The following KIF27 variants were observed in gnomAD, a reference collection of about 807,000 sequenced individuals.
KIF27 encodes kinesin-like protein KIF27.
Under a neutral mutation model 141.8 loss-of-function variants are expected in KIF27, and 84 were observed. The ratio of observed to expected loss-of-function variants is 0.59; its 90% CI spans 0.50 to 0.71. The LOEUF is 0.71. KIF27 is among the 30% of genes least tolerant of loss of function. KIF27 has a pLI of 0.00. For synonymous variants in KIF27, 471 were observed against 569.5 expected (o/e 0.83, Z 2.46); for missense variants, 1,306 against 1,628.4 (o/e 0.80, Z 3.41).
At position 83,850,191 on chromosome 9, in the gene KIF27, A is replaced by G. The variant is rs1259424425; in HGVS notation, c.3464T>C (p.Leu1155Pro). The G allele has an allele frequency of 2.5e-6, 4 of 1,612,598 alleles. No homozygotes were observed. Among genetic ancestry groups the G allele is most frequent in the South Asian group, 1.1e-5 (1 of 91,050 alleles). The change falls in exon 16 of 18, where the codon CTG (leucine) becomes CCG (proline). Residue 1155 changes from leucine to proline, a missense_variant. Physicochemically the swap from Leu to Pro is moderately conservative, Grantham distance 98. Coordinates refer to ENST00000297814, the MANE Select transcript of KIF27 (RefSeq NM_017576.4). ...GTCACACTGCAATTTTAGATGGTCC[A>G]GTGCAGATTCTAATTCACGAACCAT... The part of the protein sequence containing the change: ...DNMVRELESA[L>P]DHLKLQCDRR...
chr9:83,837,083 C>A lies in KIF27; in HGVS notation c.4124G>T (p.Arg1375Leu). The A allele has an allele frequency of 6.2e-7, 1 of 1,613,870 alleles. No homozygotes were observed. Among genetic ancestry groups the A allele is most frequent in the Non-Finnish European group, 8.5e-7 (1 of 1,179,886 alleles). ...TCCAATGCCAACTCCAAGACTGGAA[C>A]GTCGCAATGATAGTTCCAAGGCGGA... is the stretch of plus-strand genomic sequence containing the variant. ...QISALELSLR[R>L]SSLGVGIGSM... Residue 1375 changes from arginine to leucine, a missense_variant, in exon 18 of 18, where the codon CGT becomes CTT. Arg to Leu is a moderately radical substitution (Grantham distance 102). Transcript: ENST00000297814.
Position 83,887,039 on chromosome 9 carries a change from A to G in KIF27, c.2239+2T>C. The stretch of plus-strand genomic sequence containing the variant: ...TTAAGCTGGTTCACAAGATACTATT[A>G]CCTGTTTTTATTAATTCTTTAATCA... On this transcript the variant is annotated splice_donor_variant, in intron 9 of 17. Transcript: ENST00000297814. LOFTEE classifies it high-confidence loss of function. 3 of 1,572,766 alleles carry G rather than the reference A, an allele frequency of 1.9e-6. No homozygotes were observed. Among genetic ancestry groups the G allele is most frequent in the Non-Finnish European group, 2.6e-6 (3 of 1,167,214 alleles).
intron 15 of KIF27, among the ~76,000 whole-genome samples, chr9:83,853,132 T>G (rs1185676822): frequency 5.3e-5 from 8 of 152,196 alleles, no homozygotes; most frequent in Non-Finnish European, 1.2e-4. Context: ...TTTAATTGAT[T>G]TAAGCACATT....
intron 12 of KIF27, 133 bp from the exon 13 acceptor site, chr9:83,867,993 T>C: frequency 1.0e-6 from 1 of 978,256 alleles, no homozygotes. Context: ...GTAACTCAGG[T>C]AGCCGTCTGA....
chr9:83,893,361 T>C, intron 5 of KIF27, among the ~76,000 whole-genome samples: 1 of 152,176 alleles, frequency 6.6e-6, no homozygotes, highest in Non-Finnish European at 1.5e-5. Context: ...TGCATATTCT[T>C]CTCAAGTACC....
At chr9:83,902,493 A>C (rs528459789) in intron 4 of KIF27, among the ~76,000 whole-genome samples, 1 of 152,348 alleles carries the variant, frequency 6.6e-6, no homozygotes, top group East Asian at 1.9e-4. Context: ...ATACACGTAC[A>C]TGTAACATGT....
Position 83,864,576 on chromosome 9 carries a change from G to T in KIF27, c.2934+3108C>A, listed in dbSNP as rs1463375238. Among the ~76,000 whole-genome samples, 15 of 152,282 alleles carry T rather than the reference G, an allele frequency of 9.9e-5. No homozygotes were observed. In the East Asian group the frequency reaches 2.7e-3, roughly 27 times the overall value. The stretch of plus-strand genomic sequence containing the variant: ...ATTTCTATTCTTTTACATTTGCTGA[G>T]GAGTGCTTTACTTCCAACTATGTGG... On this transcript the variant is annotated intron_variant, in intron 13 of 17. Coordinates refer to ENST00000297814, the MANE Select transcript of KIF27 (RefSeq NM_017576.4).
At chr9:83,893,483 T>C (rs1336413413) in intron 5 of KIF27, among the ~76,000 whole-genome samples, 3 of 151,998 alleles carry the variant, frequency 2.0e-5, no homozygotes, top group African/African-American at 4.8e-5. Context: ...GCAATAAAAA[T>C]TGATTAAAGA....
chr9:83,888,636 T>G (rs760520666), intron 7 of KIF27, 44 bp from the exon 8 acceptor site: 1 of 1,117,548 alleles, frequency 8.9e-7, no homozygotes, highest in South Asian at 1.4e-5. Flanking sequence ...TCGTGTTTTC[T>G]AATCTGCCCT....
At chr9:83,911,059 CTTTT>C (rs553058365) in intron 2 of KIF27, among the ~76,000 whole-genome samples, 3 of 152,062 alleles carry the variant, frequency 2.0e-5, no homozygotes, top group African/African-American at 4.8e-5. Flanking sequence ...GATTCCACTT[CTTTT>C]TTTCTTTTCT....
At chr9:83,919,331 G>A (rs139106126) in intron 1 of KIF27, among the ~76,000 whole-genome samples, 1 of 152,266 alleles carries the variant, frequency 6.6e-6, no homozygotes, top group Admixed American at 6.5e-5. Context: ...CCACTCCCAA[G>A]AGAAATGAAA....
chr9:83,903,180 G>C lies in KIF27; in HGVS notation c.1338C>G (p.Ile446Met), dbSNP rs992636851. The C allele has an allele frequency of 6.2e-7, 1 of 1,614,002 alleles. No homozygotes were observed. Among genetic ancestry groups the C allele is most frequent in the Non-Finnish European group, 8.5e-7 (1 of 1,180,032 alleles). Residue 446 changes from isoleucine (I) to methionine (M), a missense_variant, in exon 4 of 18, where the codon ATC (isoleucine) becomes ATG (methionine). This residue lies in a region of KIF27 where 533 missense variants were observed against 565.6 expected (regional missense o/e 0.94). Coordinates refer to ENST00000297814, the MANE Select transcript of KIF27 (RefSeq NM_017576.4). ...QHKLQEWFNM[I>M]QEVRKAVLTS... Reference sequence around the variant, plus strand: ...TGAGGACAGCCTTCCTGACCTCTTGGATCATGTTAAACCACTCCTGCAGTT... The same window carrying C: ...TGAGGACAGCCTTCCTGACCTCTTGCATCATGTTAAACCACTCCTGCAGTT...
intron 1 of KIF27, among the ~76,000 whole-genome samples, chr9:83,917,494 G>A (rs2132849013): frequency 6.6e-6 from 1 of 152,238 alleles, no homozygotes; most frequent in East Asian, 1.9e-4. Flanking sequence ...TCAAGAGACA[G>A]AGAATAACCA....
chr9:83,865,077 G>A (rs1419291926), intron 13 of KIF27, among the ~76,000 whole-genome samples: 6 of 151,930 alleles, frequency 3.9e-5, no homozygotes, highest in South Asian at 2.1e-4. Context: ...GTCTCTGCAC[G>A]TGAGAGGCCT....
At chr9:83,838,091 TAAATC>T (rs754609753) in intron 17 of KIF27, among the ~76,000 whole-genome samples, 20 of 152,312 alleles carry the variant, frequency 1.3e-4, no homozygotes, top group African/African-American at 4.3e-4. Context: ...TAGAGGTTCT[TAAATC>T]AAAGAATATC....
intron 14 of KIF27, among the ~76,000 whole-genome samples, chr9:83,857,536 G>A (rs1168356023): frequency 6.6e-6 from 1 of 152,144 alleles, no homozygotes; most frequent in East Asian, 1.9e-4. Flanking sequence ...TAGGTATCAT[G>A]CGCCATACTA....
chr9:83,878,161 CAAAAA>C (rs58897060), intron 11 of KIF27, among the ~76,000 whole-genome samples: 8 of 38,456 alleles, frequency 2.1e-4, no homozygotes, highest in South Asian at 1.3e-3. Flanking sequence ...GACTCTGTCT[CAAAAA>C]AAAAAAAAAA....
intron 13 of KIF27, among the ~76,000 whole-genome samples, chr9:83,865,416 G>A (rs909514928): frequency 2.6e-5 from 4 of 151,948 alleles, no homozygotes; most frequent in African/African-American, 9.7e-5. Context: ...TCCTGCCTCA[G>A]CTCCCAAGTA....
At position 83,840,056 on chromosome 9, in the gene KIF27, A is replaced by G. The variant is rs534948660; in HGVS notation, c.3721+2181T>C. On this transcript the variant is annotated intron_variant, in intron 17 of 17. Coordinates refer to ENST00000297814, the MANE Select transcript of KIF27 (RefSeq NM_017576.4). ...CATTTTATGAAACTCAGAGTTTGAT[A>G]TAAATTGCTATATTTTATAATTCAA... Among the ~76,000 whole-genome samples, 63 of 152,364 alleles carry G rather than the reference A, an allele frequency of 4.1e-4. 1 individual carries two copies. Among genetic ancestry groups the G allele is most frequent in the Non-Finnish European group, 6.9e-4 (47 of 68,038 alleles).
Sources: gnomAD v4.1 joint callset for allele counts (sites outside exome capture counted in the v4.1 genomes callset) on GRCh38, gnomAD v4.1.1 for gene constraint, gnomAD v4.1.1 regional missense constraint, MANE v1.5 for transcripts, NCBI Gene and HGNC (gene_info 2026-07-23, HGNC 2026-07-21) for gene names.